The following EDIL3 variants were observed in gnomAD, a reference collection of about 807,000 sequenced individuals.
EDIL3 encodes EGF-like repeat and discoidin I-like domain-containing protein 3.
Under a neutral mutation model 67.4 loss-of-function variants are expected in EDIL3, and 37 were observed. That is an observed-to-expected ratio of 0.55 (90% CI 0.42 to 0.72). The LOEUF is 0.72. EDIL3 is among the 30% of genes least tolerant of loss of function. The pLI is 0.00. For missense variants in EDIL3, 527 were observed against 586.3 expected (o/e 0.90, Z 1.04); for synonymous variants, 195 against 196.3 (o/e 0.99, Z 0.05).
intron 1 of EDIL3, among the ~76,000 whole-genome samples, chr5:84,361,270 A>AACACAC (rs10553087): frequency 0.24 from 35,003 of 147,314 alleles, 4,899 homozygotes; most frequent in Non-Finnish European, 0.33. Context: ...AGGTCATTAC[A>AACACAC]ACACACACAC....
At chr5:84,296,885 G>GA (rs895208480) in intron 1 of EDIL3, among the ~76,000 whole-genome samples, 1 of 151,818 alleles carries the variant, frequency 6.6e-6, no homozygotes, top group Non-Finnish European at 1.5e-5. Context: ...AAATTTTTAA[G>GA]AAAAAAAACC....
At chr5:84,235,926 T>C (rs1177056422) in intron 2 of EDIL3, among the ~76,000 whole-genome samples, 1 of 152,018 alleles carries the variant, frequency 6.6e-6, no homozygotes, top group Non-Finnish European at 1.5e-5. Context: ...AAATTAAATC[T>C]GTGATTTTTA....
At chr5:84,322,553 G>C (rs921923211) in intron 1 of EDIL3, among the ~76,000 whole-genome samples, 6 of 151,966 alleles carry the variant, frequency 3.9e-5, no homozygotes, top group Non-Finnish European at 8.8e-5. Context: ...ATTTAAGAAA[G>C]GTGAACAGAA....
intron 9 of EDIL3, among the ~76,000 whole-genome samples, chr5:84,058,788 T>A (rs1322710043): frequency 6.6e-6 from 1 of 152,150 alleles, no homozygotes; most frequent in Non-Finnish European, 1.5e-5. Flanking sequence ...CTCACTTATA[T>A]GTCATCACTA....
chr5:84,294,102 G>A (rs975059428), intron 1 of EDIL3, among the ~76,000 whole-genome samples: 4 of 151,344 alleles, frequency 2.6e-5, no homozygotes, highest in African/African-American at 7.3e-5. Flanking sequence ...AGTCATCATC[G>A]GCCGGGTGCG....
chr5:84,043,664 C>T (rs1006670457), intron 9 of EDIL3, among the ~76,000 whole-genome samples: 1 of 152,038 alleles, frequency 6.6e-6, no homozygotes, highest in Admixed American at 6.6e-5. Context: ...AGGATTAAGT[C>T]ATGTAATGTC....
chr5:84,169,137 C>T (rs570004239), intron 4 of EDIL3, among the ~76,000 whole-genome samples: 20 of 152,112 alleles, frequency 1.3e-4, no homozygotes, highest in East Asian at 5.8e-4. Flanking sequence ...ACAGCACTCA[C>T]GCCCCTTTGT....
intron 9 of EDIL3, among the ~76,000 whole-genome samples, chr5:84,053,231 G>A (rs1378049153): frequency 1.3e-5 from 2 of 152,134 alleles, no homozygotes; most frequent in African/African-American, 2.4e-5. Flanking sequence ...CGAAATGAAG[G>A]CAGAAATAAA....
chr5:84,051,750 G>T (rs1746343466), intron 9 of EDIL3, among the ~76,000 whole-genome samples: 2 of 152,122 alleles, frequency 1.3e-5, no homozygotes, highest in East Asian at 1.9e-4. Flanking sequence ...GAGAAGAGAA[G>T]TTTAGAGAAA....
chr5:84,225,697 T>A (rs961376009), intron 3 of EDIL3, among the ~76,000 whole-genome samples: 5 of 151,598 alleles, frequency 3.3e-5, no homozygotes, highest in African/African-American at 1.2e-4. Flanking sequence ...TAAAAATAGT[T>A]CTAAACAATG....
intron 3 of EDIL3, among the ~76,000 whole-genome samples, chr5:84,190,644 G>A (rs1300700593): frequency 1.3e-5 from 2 of 149,054 alleles, no homozygotes; most frequent in Non-Finnish European, 3.0e-5. Flanking sequence ...GGGGCATCAA[G>A]CAATCTCACT....
intron 9 of EDIL3, 61 bp from the exon 10 acceptor site, chr5:83,963,421 T>C: frequency 1.3e-6 from 2 of 1,513,942 alleles, no homozygotes; most frequent in South Asian, 1.3e-5. Flanking sequence ...CTTCCAAGTC[T>C]TTTGATGTCA....
chr5:84,176,419 A>G (rs1026950001), intron 4 of EDIL3, among the ~76,000 whole-genome samples: 7 of 150,352 alleles, frequency 4.7e-5, no homozygotes, highest in Non-Finnish European at 8.9e-5. Flanking sequence ...CTCCCAGATC[A>G]GCCCTCTTTT....
chr5:84,290,109 T>C (rs1745883631), intron 1 of EDIL3, among the ~76,000 whole-genome samples: 1 of 152,008 alleles, frequency 6.6e-6, no homozygotes, highest in Non-Finnish European at 1.5e-5. Context: ...GCTCACAAGT[T>C]AGTACCTCCC....
At chr5:84,199,630 G>A (rs1359564323) in intron 3 of EDIL3, among the ~76,000 whole-genome samples, 2 of 151,818 alleles carry the variant, frequency 1.3e-5, no homozygotes, top group Non-Finnish European at 2.9e-5. Context: ...CTTTTACCCT[G>A]GATTTTAAAA....
chr5:84,169,311 T>C (rs553162386), intron 4 of EDIL3, among the ~76,000 whole-genome samples: 34 of 152,252 alleles, frequency 2.2e-4, no homozygotes, highest in Admixed American at 1.6e-3. Context: ...TTATCCTCAA[T>C]GGTTAACATT....
intron 1 of EDIL3, among the ~76,000 whole-genome samples, chr5:84,276,973 T>A (rs1745595395): frequency 6.6e-6 from 1 of 152,122 alleles, no homozygotes; most frequent in Non-Finnish European, 1.5e-5. Context: ...CTTTTAACCA[T>A]TTAAACTTTT....
intron 9 of EDIL3, among the ~76,000 whole-genome samples, chr5:83,977,215 T>A (rs1203602360): frequency 6.6e-6 from 1 of 151,860 alleles, no homozygotes; most frequent in East Asian, 1.9e-4. Flanking sequence ...GATATCTACA[T>A]CCTTCAGCTT....
At chr5:84,129,510 C>A (rs985579850) in intron 5 of EDIL3, among the ~76,000 whole-genome samples, 7 of 151,932 alleles carry the variant, frequency 4.6e-5, no homozygotes, top group Non-Finnish European at 7.4e-5. Flanking sequence ...CAGCCTGAGG[C>A]AAACTGTCCT....
Sources: allele counts gnomAD v4.1 joint callset (sites outside exome capture counted in the v4.1 genomes callset), GRCh38; gene constraint gnomAD v4.1.1; transcripts MANE v1.5; gene names NCBI Gene and HGNC (gene_info 2026-07-23, HGNC 2026-07-21).